Variants in GPR155 observed in about 807,000 individuals in gnomAD.
GPR155 encodes G protein-coupled receptor 155.
In GPR155, 65 loss-of-function variants were observed where a neutral mutation model predicts 93.1. The ratio of observed to expected loss-of-function variants is 0.70; its 90% CI spans 0.57 to 0.86. The LOEUF (loss-of-function observed/expected upper bound fraction) is 0.86. Among genes scored for constraint, GPR155 ranks in the 40% least tolerant of loss-of-function variants. GPR155 has a pLI of 0.00. For synonymous variants in GPR155, 319 were observed against 360.1 expected, an observed-to-expected ratio of 0.89 and a Z score of 1.29; for missense variants, 838 against 1,034.8, an observed-to-expected ratio of 0.81 and a Z score of 2.61.
At chr2:174,486,496 T>C (rs555899932) in intron 1 of GPR155, among the ~76,000 whole-genome samples, 31 of 152,318 alleles carry the variant, frequency 2.0e-4, no homozygotes, top group Admixed American at 7.2e-4. Context: ...TTTGGCGCAG[T>C]GCTCCAGGTG....
chr2:174,465,592 C>A (rs1038478599), intron 7 of GPR155, among the ~76,000 whole-genome samples, 193 bp downstream of exon 7: 1 of 152,192 alleles, frequency 6.6e-6, no homozygotes, highest in Non-Finnish European at 1.5e-5. Flanking sequence ...GGCTCTAAGC[C>A]CAGGCAGGAA....
In GPR155 at chr2:174,434,867, G is replaced by T. The variant is rs1036591382; in HGVS notation, c.*1249C>A. The T allele has an allele frequency of 6.7e-6, 1 of 149,756 alleles. No individual in the cohort carries two copies. The highest frequency in any genetic ancestry group is 2.5e-5 in the African/African-American group (1 of 40,526). 9.3% of individuals were successfully genotyped at this position (149,756 alleles called of 1,614,324 possible). A position where few individuals can be genotyped will look rare whatever the true frequency, so the allele number is the denominator to read the frequency against. ...TGGTCTTGAACTCCTGACCTCAAGCGATCTGCCCGCCTCAGCCTCCCAAAG... is the reference window on the plus strand; with the variant it reads ...TGGTCTTGAACTCCTGACCTCAAGCTATCTGCCCGCCTCAGCCTCCCAAAG... On this transcript the variant is annotated 3_prime_UTR_variant, in exon 16 of 16. Transcript: ENST00000392552.
chr2:174,477,378 A>G (rs1688197185), intron 2 of GPR155, among the ~76,000 whole-genome samples: 1 of 152,186 alleles, frequency 6.6e-6, no homozygotes, highest in African/African-American at 2.4e-5. Context: ...TCACCATGTT[A>G]TACAATAAAT....
intron 9 of GPR155, 65 bp from the exon 10 acceptor site, chr2:174,460,153 CATT>C (rs1687645681): frequency 3.6e-6 from 2 of 557,658 alleles, no homozygotes; most frequent in Admixed American, 8.3e-5. Context: ...TCTTAGGGCA[CATT>C]TTTTTTTTTT....
chr2:174,457,869 G>A (rs1385121703), intron 10 of GPR155, among the ~76,000 whole-genome samples: 2 of 152,044 alleles, frequency 1.3e-5, no homozygotes, highest in Non-Finnish European at 2.9e-5. Context: ...TCCTGCCTCA[G>A]CCTCCTGAGT....
chr2:174,462,991 T>C (rs1687743731), intron 7 of GPR155, among the ~76,000 whole-genome samples: 1 of 152,152 alleles, frequency 6.6e-6, no homozygotes, highest in African/African-American at 2.4e-5. Context: ...AACCTGGCCT[T>C]TTGACACAAG....
At chr2:174,445,318 C>A (rs989707515) in intron 12 of GPR155, 142 bp from the exon 13 acceptor site, 9 of 579,174 alleles carry the variant, frequency 1.6e-5, no homozygotes, top group Non-Finnish European at 2.7e-5. Flanking sequence ...AATATAGAGG[C>A]TTTATCTTTT....
Position 174,436,130 on chromosome 2 carries a change from A to C in GPR155, c.2599T>G (p.Ser867Ala). ...EIEHSSPPSH[S>A]PKT is the part of the protein sequence containing the mutation. ...CCCTGCATAATTTAGGTCTTAGGGG[A>C]ATGTGAGGGTGGGGATGAATGCTCA... Residue 867 changes from serine (S) to alanine (A), a missense_variant, in exon 16 of 16, where the codon TCC (serine) becomes GCC (alanine). This residue lies in a region of GPR155 where 146 missense variants were observed against 177.5 expected (regional missense o/e 0.82). Transcript: ENST00000392552. 2 of 1,612,924 alleles carry C rather than the reference A, an allele frequency of 1.2e-6. No individual in the cohort carries two copies. The highest frequency in any genetic ancestry group is 1.7e-6 in the Non-Finnish European group (2 of 1,179,008).
rs531575020 is a variant in GPR155 at position 174,463,338 on chromosome 2, C to G, written c.1385-1666G>C. Among the ~76,000 whole-genome samples the G allele has an allele frequency of 1.8e-4, 27 of 152,014 alleles. No homozygotes were observed. The South Asian group carries it at 5.6e-3, about 32-fold the overall frequency. On this transcript the variant is annotated intron_variant, in intron 7 of 15. Transcript: ENST00000392552. ...GCCTCAGCCTCCTGAGTAGCTGGGACTACAGGCATGTACCAGCATGCAAAG... is the reference window on the plus strand; with the variant it reads ...GCCTCAGCCTCCTGAGTAGCTGGGAGTACAGGCATGTACCAGCATGCAAAG...
At chr2:174,444,924 G>A (rs1326418676) in intron 13 of GPR155, among the ~76,000 whole-genome samples, 157 bp downstream of exon 13, 1 of 152,148 alleles carries the variant, frequency 6.6e-6, no homozygotes, top group East Asian at 1.9e-4. Flanking sequence ...AGCAGCAGCT[G>A]TCAGCTGCCA....
intron 14 of GPR155, 53 bp from the exon 15 acceptor site, chr2:174,440,088 ACTCTTCCTGC>A: frequency 6.7e-7 from 1 of 1,491,462 alleles, no homozygotes; most frequent in Non-Finnish European, 9.2e-7. Flanking sequence ...CTGAGAGAGA[ACTCTTCCTGC>A]CTTATCACCC....
At position 174,444,337 on chromosome 2, in the gene GPR155, C is replaced by G. The variant is rs1687050976; in HGVS notation, c.2109+744G>C. On this transcript the variant is annotated intron_variant, in intron 13 of 15. Transcript: ENST00000392552. ...GGCTGAGACAGGAGAATTGCTTGAA[C>G]CTGAGAGGCAGAGGTTGCAGTGAGC... 1.3e-5 allele frequency among the ~76,000 whole-genome samples: 2 copies of G among 151,474 alleles called. 1 individual carries two copies. Among genetic ancestry groups the G allele is most frequent in the Non-Finnish European group, 2.9e-5 (2 of 67,964 alleles).
chr2:174,477,631 T>A (rs1007326218), intron 2 of GPR155, among the ~76,000 whole-genome samples: 1 of 152,318 alleles, frequency 6.6e-6, no homozygotes. Context: ...TACATCTTTA[T>A]CTATAAATTG....
intron 4 of GPR155, among the ~76,000 whole-genome samples, chr2:174,469,653 A>G (rs896766109): frequency 9.9e-5 from 15 of 152,162 alleles, no homozygotes; most frequent in Non-Finnish European, 2.1e-4. Flanking sequence ...GAAATTATCA[A>G]TGATAAAATA....
At chr2:174,453,911 C>G in intron 10 of GPR155, 70 bp from the exon 11 acceptor site, 1 of 1,023,800 alleles carries the variant, frequency 9.8e-7, no homozygotes, top group Non-Finnish European at 1.5e-6. Context: ...TAAGAAATGC[C>G]AAAGAAAACA....
chr2:174,463,331 G>T (rs777723052), intron 7 of GPR155, among the ~76,000 whole-genome samples: 1 of 152,044 alleles, frequency 6.6e-6, no homozygotes, highest in Non-Finnish European at 1.5e-5. Flanking sequence ...CTCCTGAGTA[G>T]CTGGGACTAC....
chr2:174,438,463 C>T (rs1453367188), intron 15 of GPR155, among the ~76,000 whole-genome samples: 1 of 152,168 alleles, frequency 6.6e-6, no homozygotes, highest in East Asian at 1.9e-4. Context: ...AGAGCTAACC[C>T]GGAGTTCTCT....
chr2:174,484,870 A>G (rs1688430421), intron 1 of GPR155, among the ~76,000 whole-genome samples: 1 of 152,154 alleles, frequency 6.6e-6, no homozygotes, highest in South Asian at 2.1e-4. Context: ...GCAGTGAGCC[A>G]TGATCACACC....
chr2:174,449,058 C>G (rs140583235), intron 11 of GPR155, among the ~76,000 whole-genome samples: 1 of 152,146 alleles, frequency 6.6e-6, no homozygotes, highest in East Asian at 1.9e-4. Context: ...ACAAATAACT[C>G]CATTAAAAAA....
Sources: allele counts gnomAD v4.1 joint callset (sites outside exome capture counted in the v4.1 genomes callset), GRCh38; gene constraint gnomAD v4.1.1; regional missense constraint gnomAD v4.1.1; transcripts MANE v1.5; gene names NCBI Gene and HGNC (gene_info 2026-07-23, HGNC 2026-07-21).